MED12L: variants seen among roughly 807,000 people sequenced by gnomAD.
MED12L encodes mediator complex subunit 12L, also known as mediator of RNA polymerase II transcription subunit 12-like protein.
A neutral mutation model predicts 281.3 loss-of-function variants in MED12L; 60 were observed. That is an observed-to-expected ratio of 0.21 (90% CI 0.17 to 0.26). The LOEUF (loss-of-function observed/expected upper bound fraction) is 0.26, where lower values mean the gene tolerates loss of function less well. Ranked by LOEUF, MED12L falls within the 10% of genes least tolerant of loss-of-function variation. The probability of loss-of-function intolerance (pLI) is 1.00; values close to 1 mark genes in which losing one functional copy is unlikely to be tolerated. For missense variants in MED12L, 2,146 were observed against 2,680.9 expected (o/e 0.80, Z 4.41); for synonymous variants, 974 against 987.2 (o/e 0.99, Z 0.25).
rs1720172320 is a variant in MED12L, at chr3:151,436,199, CTTA to C, written c.*3398_*3400del. ...TGGTGAATCATAAGACAGTTCAGTG[CTTA>C]TTTTCTGTAGGTTTTAGCAAAAAAA... On this transcript the variant is annotated 3_prime_UTR_variant, in exon 45 of 45. Coordinates refer to ENST00000687756, the MANE Select transcript of MED12L (RefSeq NM_001393769.1). 6.5e-6 allele frequency: 1 copy of C among 153,738 alleles called. No individual in the cohort carries two copies. The highest frequency in any genetic ancestry group is 2.4e-5 in the African/African-American group (1 of 41,414). The allele number at this position is 153,738 out of a possible 1,614,324, so 9.5% of individuals were successfully genotyped here. A position where few individuals can be genotyped will look rare whatever the true frequency, so the allele number is the denominator to read the frequency against.
chr3:151,401,102 G>A (rs539030492), intron 39 of MED12L, among the ~76,000 whole-genome samples: 9 of 152,196 alleles, frequency 5.9e-5, no homozygotes, highest in Non-Finnish European at 1.2e-4. Context: ...GAAATGTTAC[G>A]TAAATGTTCT....
intron 16 of MED12L, among the ~76,000 whole-genome samples, chr3:151,297,588 A>G (rs1180415141): frequency 6.6e-6 from 1 of 152,198 alleles, no homozygotes; most frequent in Non-Finnish European, 1.5e-5. Flanking sequence ...ATATTAGTTC[A>G]TGAGCTACAG....
At chr3:151,201,502 A>G (rs1418863473) in intron 16 of MED12L, among the ~76,000 whole-genome samples, 3 of 152,220 alleles carry the variant, frequency 2.0e-5, no homozygotes, top group Non-Finnish European at 4.4e-5. Context: ...CTAATCCCCA[A>G]GTCAGTTGAG....
In MED12L at chr3:151,297,342, T is replaced by G. The variant is rs1359870582; in HGVS notation, c.2251-52717T>G. On this transcript the variant is annotated intron_variant, in intron 16 of 44. Transcript: ENST00000687756. ...CTTAAGATGTGTGGCTTTAACTGAG[T>G]TAAGATGTCTGCTTGAATTAATTTA... 3.3e-5 allele frequency among the ~76,000 whole-genome samples: 5 copies of G among 152,300 alleles called. No homozygotes were observed. In the East Asian group the frequency reaches 5.8e-4, roughly 18 times the overall value.
At chr3:151,397,213 C>T (rs1162361123) in intron 39 of MED12L, among the ~76,000 whole-genome samples, 3 of 152,164 alleles carry the variant, frequency 2.0e-5, no homozygotes, top group Non-Finnish European at 2.9e-5. Context: ...GTACAGTATT[C>T]ACCTCTTCAT....
chr3:151,213,232 TG>T (rs1727475150), intron 16 of MED12L: 11 of 1,196,468 alleles, frequency 9.2e-6, no homozygotes, highest in Non-Finnish European at 1.2e-5. Flanking sequence ...CATATCTTAT[TG>T]ATTTCTGTTA....
intron 2 of MED12L, among the ~76,000 whole-genome samples, chr3:151,093,318 T>C (rs1028390104): frequency 9.2e-5 from 14 of 152,072 alleles, no homozygotes; most frequent in African/African-American, 2.9e-4. Context: ...AAAATGCAGA[T>C]AAAGTGGCCC....
intron 16 of MED12L, among the ~76,000 whole-genome samples, chr3:151,321,117 C>G (rs1196261886): frequency 2.0e-5 from 3 of 152,148 alleles, no homozygotes; most frequent in African/African-American, 7.2e-5. Context: ...AATGATATGC[C>G]TCAGCTTAGA....
chr3:151,417,487 CTTTTT>C (rs56128844), intron 43 of MED12L, among the ~76,000 whole-genome samples: 2 of 78,818 alleles, frequency 2.5e-5, no homozygotes, highest in Non-Finnish European at 4.6e-5. Context: ...CCCCCCCCGC[CTTTTT>C]TTTTTTTTTT....
intron 16 of MED12L, among the ~76,000 whole-genome samples, chr3:151,240,805 C>T (rs1308568441): frequency 2.0e-5 from 3 of 152,186 alleles, no homozygotes; most frequent in Non-Finnish European, 4.4e-5. Flanking sequence ...TGGACCTGGT[C>T]ATTTCCTTAG....
intron 13 of MED12L, among the ~76,000 whole-genome samples, chr3:151,189,602 C>G (rs1723707876): frequency 6.6e-6 from 1 of 152,178 alleles, no homozygotes; most frequent in Admixed American, 6.5e-5. Flanking sequence ...AAAAGCTGAT[C>G]TGTTCCCTGA....
At chr3:151,233,861 G>A (rs1314321668) in intron 16 of MED12L, among the ~76,000 whole-genome samples, 1 of 152,198 alleles carries the variant, frequency 6.6e-6, no homozygotes, top group Non-Finnish European at 1.5e-5. Context: ...CCTGAATTGT[G>A]TGTTTTTTAT....
At chr3:151,220,155 A>G (rs1431799046) in intron 16 of MED12L, among the ~76,000 whole-genome samples, 1 of 149,188 alleles carries the variant, frequency 6.7e-6, no homozygotes, top group Non-Finnish European at 1.5e-5. Context: ...AAGTTGCGGT[A>G]ATCAAAAATG....
chr3:151,300,819 G>T (rs1251820506), intron 16 of MED12L, among the ~76,000 whole-genome samples: 1 of 152,228 alleles, frequency 6.6e-6, no homozygotes, highest in Non-Finnish European at 1.5e-5. Context: ...CAGGGAAAGG[G>T]CATGTGGGAG....
intron 35 of MED12L, chr3:151,384,586 T>A (rs766884805): frequency 2.4e-4 from 46 of 193,232 alleles, no homozygotes; most frequent in Non-Finnish European, 8.4e-5. Context: ...TCGATTCATT[T>A]GACCGACCAC....
At chr3:151,214,549 C>T (rs544360549) in intron 16 of MED12L, among the ~76,000 whole-genome samples, 1 of 151,778 alleles carries the variant, frequency 6.6e-6, no homozygotes, top group Admixed American at 6.6e-5. Context: ...TTCCCTCCCT[C>T]TTTCCCCCTT....
chr3:151,181,302 T>A (rs543894245), intron 11 of MED12L, among the ~76,000 whole-genome samples: 1 of 152,294 alleles, frequency 6.6e-6, no homozygotes, highest in South Asian at 2.1e-4. Context: ...CTCAAGCATG[T>A]TTAGAAATGT....
At chr3:151,207,693 AGTGGAAG>A (rs140602100) in intron 16 of MED12L, among the ~76,000 whole-genome samples, 3,120 of 152,268 alleles carry the variant, frequency 0.02, 108 homozygotes, top group East Asian at 0.18. Context: ...TAGGAGAGAA[AGTGGAAG>A]GTGAGAAGCC....
chr3:151,208,541 G>T (rs978033741), intron 16 of MED12L, among the ~76,000 whole-genome samples: 1 of 152,114 alleles, frequency 6.6e-6, no homozygotes, highest in African/African-American at 2.4e-5. Flanking sequence ...AATTAGCCAG[G>T]CGTGATGGCG....
Sources: gnomAD v4.1 joint callset for allele counts (sites outside exome capture counted in the v4.1 genomes callset) on GRCh38, gnomAD v4.1.1 for gene constraint, MANE v1.5 for transcripts, NCBI Gene and HGNC (gene_info 2026-07-23, HGNC 2026-07-21) for gene names.